DDX19B: variants seen among roughly 807,000 people sequenced by gnomAD.
DDX19B encodes the protein ATP-dependent RNA helicase DDX19B.
DDX19B carries 27 observed loss-of-function variants against 58.1 expected under a neutral mutation model. The observed-to-expected ratio is 0.46, with a 90% confidence interval of 0.34 to 0.64. DDX19B has a LOEUF of 0.64. Ranked by LOEUF, DDX19B falls within the 30% of genes least tolerant of loss-of-function variation. The probability of loss-of-function intolerance (pLI) is 0.01; values close to 1 mark genes in which losing one functional copy is unlikely to be tolerated. For synonymous variants in DDX19B, 187 were observed against 214.4 expected, an observed-to-expected ratio of 0.87 and a Z score of 1.12; for missense variants, 399 against 596.5, an observed-to-expected ratio of 0.67 and a Z score of 3.45.
intron 5 of DDX19B, among the ~76,000 whole-genome samples, chr16:70,324,330 T>C (rs186510549): frequency 1.1e-3 from 131 of 123,838 alleles, no homozygotes; most frequent in African/African-American, 4.0e-3. Flanking sequence ...GCCACTGCAC[T>C]CCAGCCTGGT....
chr16:70,302,213 A>C (rs1290625916), intron 1 of DDX19B, among the ~76,000 whole-genome samples: 2 of 152,062 alleles, frequency 1.3e-5, no homozygotes, highest in Non-Finnish European at 2.9e-5. Context: ...GAGCCACCAC[A>C]CCTGGCCAGC....
upstream of DDX19B, chr16:70,299,045 C>T: frequency 2.1e-6 from 2 of 950,388 alleles, no homozygotes; most frequent in East Asian, 3.3e-5. Context: ...AGATAACTAC[C>T]TCAGCTTGAT....
chr16:70,297,875 G>C (rs565516967), upstream of DDX19B, among the ~76,000 whole-genome samples: 2 of 152,066 alleles, frequency 1.3e-5, no homozygotes, highest in Admixed American at 6.6e-5. Context: ...CATGTGCGAC[G>C]ACACCTGGCT....
At chr16:70,296,265 T>G (rs951733044), upstream of DDX19B, among the ~76,000 whole-genome samples, 2 of 151,918 alleles carry the variant, frequency 1.3e-5, no homozygotes, top group African/African-American at 4.8e-5. Context: ...CCTCCCAAAC[T>G]GCTGGGATTA....
rs1224125096 is a variant in DDX19B at position 70,316,000 on chromosome 16, G to A, written c.192G>A (p.Lys64=). The A allele has an allele frequency of 1.9e-6, 3 of 1,614,000 alleles. No homozygotes were observed. Among genetic ancestry groups the A allele is most frequent in the Non-Finnish European group, 2.5e-6 (3 of 1,180,006 alleles). The part of the protein sequence containing the change: ...EDRAAQSLLN[K]LIRSNLVDNT... ...GAGCTGCCCAGTCCTTACTCAACAA[G>A]CTGATCAGAAGCAACCTTGTTGATA... The change falls in exon 4 of 12, where the codon AAG becomes AAA. Residue 64 remains lysine (K), a synonymous_variant. Transcript: ENST00000288071.
intron 10 of DDX19B, among the ~76,000 whole-genome samples, chr16:70,332,119 G>A (rs921609550): frequency 6.6e-6 from 1 of 152,210 alleles, no homozygotes; most frequent in Non-Finnish European, 1.5e-5. Flanking sequence ...GACTGGTAGA[G>A]AACAGAGCCT....
chr16:70,321,490 C>G (rs1962810926), intron 5 of DDX19B, among the ~76,000 whole-genome samples: 2 of 152,158 alleles, frequency 1.3e-5, no homozygotes, highest in African/African-American at 4.8e-5. Flanking sequence ...TACTACCTTT[C>G]ATCATTAACA....
intron 1 of DDX19B, among the ~76,000 whole-genome samples, chr16:70,308,160 C>T (rs1243142442): frequency 6.6e-6 from 1 of 151,804 alleles, no homozygotes; most frequent in East Asian, 1.9e-4. Context: ...ACCATGTTGG[C>T]CAGTCTGGTC....
chr16:70,298,092 C>T (rs1961297043), upstream of DDX19B, among the ~76,000 whole-genome samples: 1 of 152,118 alleles, frequency 6.6e-6, no homozygotes, highest in Non-Finnish European at 1.5e-5. Flanking sequence ...CAGGACAACA[C>T]AGCAAGATCT....
intron 7 of DDX19B, 67 bp from the exon 8 acceptor site, chr16:70,329,222 CAAA>C (rs531084597): frequency 0.011 from 13,596 of 1,210,112 alleles, no homozygotes; most frequent in East Asian, 0.016. Flanking sequence ...GACTCTGTCT[CAAA>C]AAAAAAAAAA....
intron 1 of DDX19B, among the ~76,000 whole-genome samples, chr16:70,308,673 ATATTTT>A (rs1418660534): frequency 6.6e-6 from 1 of 151,708 alleles, no homozygotes; most frequent in Non-Finnish European, 1.5e-5. Context: ...TGCCCTGTCA[ATATTTT>A]TATTTTTAAT....
At chr16:70,289,832 T>A, upstream of DDX19B, 1 of 389,962 alleles carries the variant, frequency 2.6e-6, no homozygotes, top group Non-Finnish European at 5.1e-6. Flanking sequence ...ACAATTGACA[T>A]AGTTAAAAAG....
chr16:70,324,681 C>A lies in DDX19B; in HGVS notation c.486C>A (p.Tyr162Ter). 5 of 1,611,424 alleles carry A rather than the reference C, an allele frequency of 3.1e-6. No homozygotes were observed. Among genetic ancestry groups the A allele is most frequent in the Non-Finnish European group, 3.4e-6 (4 of 1,179,284 alleles). Residue 162 changes from tyrosine to a stop codon, truncating the protein, a stop_gained, in exon 6 of 12, where the codon TAC becomes TAA. Transcript: ENST00000288071. LOFTEE classifies it high-confidence loss of function. ...MLSQVEPANK[Y>*]PQCLCLSPTY... ...GCCAAGTAGAACCTGCAAACAAATA[C>A]CCCCAGGTAAGGATTTATGAATTTA...
At chr16:70,294,812 G>C (rs1961160451), upstream of DDX19B, 3 of 1,452,568 alleles carry the variant, frequency 2.1e-6, no homozygotes, top group Middle Eastern at 1.8e-4. Flanking sequence ...CAAGAGCAGC[G>C]GTTGTTGGAG....
At chr16:70,300,116 TA>T (rs1240417613) in intron 1 of DDX19B, among the ~76,000 whole-genome samples, 1 of 152,118 alleles carries the variant, frequency 6.6e-6, no homozygotes, top group Non-Finnish European at 1.5e-5. Flanking sequence ...TTATAGCTCA[TA>T]AAAAATAAGT....
At position 70,312,645 on chromosome 16, in the gene DDX19B, C is replaced by T; in HGVS notation, c.94C>T (p.Pro32Ser). The T allele has an allele frequency of 6.2e-7, 1 of 1,611,912 alleles. No homozygotes were observed. Among genetic ancestry groups the T allele is most frequent in the Non-Finnish European group, 8.5e-7 (1 of 1,178,534 alleles). The change falls in exon 2 of 12, where the codon CCA becomes TCA. Residue 32 changes from proline to serine, a missense_variant. Around this residue, in one of 4 missense-constraint regions of DDX19B, gnomAD observed 132 missense variants for 159.4 expected, o/e 0.83. Transcript: ENST00000288071. ...NLHLKEEKIK[P>S]DTNGAVVKTN... ...GCATCTTAAGGAAGAGAAAATCAAACCAGATACCAATGGTAAGTAACTAAT... is the reference window on the plus strand; with the variant it reads ...GCATCTTAAGGAAGAGAAAATCAAATCAGATACCAATGGTAAGTAACTAAT...
chr16:70,296,900 TTTTG>T (rs1385407344), upstream of DDX19B, among the ~76,000 whole-genome samples: 1 of 151,972 alleles, frequency 6.6e-6, no homozygotes, highest in Non-Finnish European at 1.5e-5. Flanking sequence ...ATGGCTTGAT[TTTTG>T]TTTGTTTGTT....
chr16:70,330,845 G>C (rs1425913653), intron 9 of DDX19B, among the ~76,000 whole-genome samples: 1 of 151,902 alleles, frequency 6.6e-6, no homozygotes, highest in Non-Finnish European at 1.5e-5. Flanking sequence ...AGGAGTTCAA[G>C]ACCAGCTTGC....
In DDX19B at chr16:70,331,839, G is replaced by A; in HGVS notation, c.1141G>A (p.Glu381Lys). ...GGCTGCAGTGATTGAGCGCTTCCGA[G>A]AGGGCAAAGAGAAGGTTTTGGTGAC... ...QRAAVIERFR[E>K]GKEKVLVTTN... Residue 381 changes from glutamate to lysine, a missense_variant, in exon 10 of 12, where the codon GAG becomes AAG. Transcript: ENST00000288071. 6.2e-7 allele frequency: 1 copy of A among 1,614,114 alleles called. No individual in the cohort carries two copies. Among genetic ancestry groups the A allele is most frequent in the South Asian group, 1.1e-5 (1 of 91,076 alleles).
Sources: allele counts gnomAD v4.1 joint callset (sites outside exome capture counted in the v4.1 genomes callset), GRCh38; gene constraint gnomAD v4.1.1; regional missense constraint gnomAD v4.1.1; transcripts MANE v1.5; gene names NCBI Gene and HGNC (gene_info 2026-07-23, HGNC 2026-07-21).